HSD17B4: variants seen among roughly 807,000 people sequenced by gnomAD.
The protein encoded by HSD17B4 is hydroxysteroid 17-beta dehydrogenase 4, also known as peroxisomal multifunctional enzyme type 2.
HSD17B4 carries 70 observed loss-of-function variants against 101.0 expected under a neutral mutation model. That is an observed-to-expected ratio of 0.69 (90% CI 0.57 to 0.85). The LOEUF (loss-of-function observed/expected upper bound fraction) is 0.85. Among genes scored for constraint, HSD17B4 ranks in the 40% least tolerant of loss-of-function variants. The pLI is 0.00. For missense variants in HSD17B4, 984 were observed against 892.4 expected (o/e 1.10, Z -1.31); for synonymous variants, 347 against 297.1 (o/e 1.17, Z -1.73).
chr5:119,530,653 G>A (rs2126892442), intron 21 of HSD17B4, among the ~76,000 whole-genome samples: 1 of 151,466 alleles, frequency 6.6e-6, no homozygotes, highest in Non-Finnish European at 1.5e-5. Context: ...AGGAGTTCAA[G>A]ACCAGCCTGG....
intron 11 of HSD17B4, among the ~76,000 whole-genome samples, chr5:119,495,380 A>G (rs190210214): frequency 2.0e-5 from 3 of 152,332 alleles, no homozygotes; most frequent in African/African-American, 7.2e-5. Flanking sequence ...CAATTTTTAA[A>G]AAATGATCTT....
chr5:119,486,210 A>T (rs903000521), intron 8 of HSD17B4, among the ~76,000 whole-genome samples: 1 of 152,132 alleles, frequency 6.6e-6, no homozygotes, highest in Non-Finnish European at 1.5e-5. Context: ...TTTATAACTT[A>T]CTTCAGAAGA....
chr5:119,479,118 T>C (rs779629789), intron 8 of HSD17B4, 97 bp downstream of exon 8: 134 of 923,000 alleles, frequency 1.5e-4, no homozygotes, highest in Non-Finnish European at 2.1e-4. Context: ...ACTTAAAAAT[T>C]ATTATTTTTT....
intron 16 of HSD17B4, among the ~76,000 whole-genome samples, chr5:119,510,439 C>T (rs1051569594): frequency 5.9e-5 from 9 of 152,130 alleles, no homozygotes; most frequent in African/African-American, 1.9e-4. Context: ...TCTGGCTTTA[C>T]CTTTAAGTTA....
At chr5:119,477,265 A>G (rs1748671405) in intron 6 of HSD17B4, 152 bp from the exon 7 acceptor site, 1 of 611,420 alleles carries the variant, frequency 1.6e-6, no homozygotes, top group South Asian at 2.0e-5. Context: ...ACTGGAATAA[A>G]GGCAAAATAC....
Position 119,542,076 on chromosome 5 carries a change from A to G in HSD17B4, c.*82A>G. ...TATGCTTGATTATTCTGCAAAAGTG[A>G]TTAGAACTAAGATGCAGGGGAAATT... On this transcript the variant is annotated 3_prime_UTR_variant, in exon 24 of 24. Coordinates refer to ENST00000510025, the MANE Select transcript of HSD17B4 (RefSeq NM_000414.4). 2.2e-6 allele frequency: 2 copies of G among 923,536 alleles called. No individual in the cohort carries two copies. The highest frequency in any genetic ancestry group is 2.5e-5 in the East Asian group (1 of 40,478). The allele number at this position is 923,536 out of a possible 1,614,324, so 57.2% of individuals were successfully genotyped here.
At chr5:119,492,630 A>C (rs1295589029) in intron 10 of HSD17B4, 2 of 153,602 alleles carry the variant, frequency 1.3e-5, no homozygotes, top group African/African-American at 4.8e-5. Context: ...TGGGACAGAA[A>C]TTGCAGCTGA....
intron 2 of HSD17B4, among the ~76,000 whole-genome samples, chr5:119,462,813 A>C (rs1309321434): frequency 1.3e-5 from 2 of 152,178 alleles, no homozygotes; most frequent in Non-Finnish European, 2.9e-5. Flanking sequence ...AGTAATTAGC[A>C]TATCCATCGC....
intron 14 of HSD17B4, among the ~76,000 whole-genome samples, chr5:119,504,315 T>A (rs1160922786): frequency 6.6e-6 from 1 of 152,176 alleles, no homozygotes; most frequent in Admixed American, 6.6e-5. Flanking sequence ...GATTGCTGGG[T>A]CAAATGGTAG....
chr5:119,469,278 T>G (rs937672476), intron 2 of HSD17B4, among the ~76,000 whole-genome samples: 1 of 151,958 alleles, frequency 6.6e-6, no homozygotes, highest in African/African-American at 2.4e-5. Flanking sequence ...GGAGGTGTTG[T>G]GTTTCCCTGT....
At chr5:119,484,147 A>G (rs912921250) in intron 8 of HSD17B4, among the ~76,000 whole-genome samples, 16 of 152,178 alleles carry the variant, frequency 1.1e-4, no homozygotes, top group Non-Finnish European at 1.8e-4. Flanking sequence ...ATTCGAGGCT[A>G]CAGTGAGCTA....
intron 23 of HSD17B4, among the ~76,000 whole-genome samples, chr5:119,539,513 A>G (rs565176884): frequency 6.6e-6 from 1 of 152,146 alleles, no homozygotes; most frequent in Non-Finnish European, 1.5e-5. Context: ...CAGCACACCA[A>G]CATGGCACAT....
At chr5:119,521,958 T>C (rs1019606593) in intron 17 of HSD17B4, among the ~76,000 whole-genome samples, 1 of 151,850 alleles carries the variant, frequency 6.6e-6, no homozygotes, top group African/African-American at 2.4e-5. Flanking sequence ...TTATTATACT[T>C]TAAGTTCTAG....
chr5:119,531,334 G>T lies in HSD17B4; in HGVS notation c.1923G>T (p.Glu641Asp). Reference protein sequence around the residue: ...IGRRLKDIGPEVVKKVNAVFE... With the variant: ...IGRRLKDIGPDVVKKVNAVFE... The stretch of plus-strand genomic sequence containing the variant: ...GCCGCCTAAAGGATATTGGGCCTGA[G>T]GTGGTGAAGAAAGTAAATGCTGTAT... Residue 641 changes from glutamate to aspartate, a missense_variant, in exon 22 of 24, where the codon GAG becomes GAT. Coordinates refer to ENST00000510025, the MANE Select transcript of HSD17B4 (RefSeq NM_000414.4). The T allele has an allele frequency of 6.2e-7, 1 of 1,613,640 alleles. No homozygotes were observed. Among genetic ancestry groups the T allele is most frequent in the Non-Finnish European group, 8.5e-7 (1 of 1,179,662 alleles).
intron 6 of HSD17B4, among the ~76,000 whole-genome samples, chr5:119,476,204 C>A (rs115921484): frequency 0.021 from 3,148 of 152,174 alleles, 104 homozygotes; most frequent in African/African-American, 0.069. Flanking sequence ...ACGTGCTTAT[C>A]CAGCTGTGTG....
rs561860742 is a variant in HSD17B4 at position 119,454,748 on chromosome 5, A to T, written c.59-1567A>T. On this transcript the variant is annotated intron_variant, in intron 1 of 23. Transcript: ENST00000510025. Reference sequence around the variant, plus strand: ...ACAATTCTCCTACCTCAGCCTCCCAAGTAGCTGGGGGTACAGGTGCACACC... The same window carrying T: ...ACAATTCTCCTACCTCAGCCTCCCATGTAGCTGGGGGTACAGGTGCACACC... Among the ~76,000 whole-genome samples, 6 of 152,088 alleles carry T rather than the reference A, an allele frequency of 3.9e-5. No homozygotes were observed. The South Asian group carries it at 1.2e-3, about 32-fold the overall frequency.
Position 119,536,526 on chromosome 5 carries a change from C to T in HSD17B4, c.2097C>T (p.Val699=), listed in dbSNP as rs202134940. 1.7e-5 allele frequency: 28 copies of T among 1,611,934 alleles called. No individual in the cohort carries two copies. The highest frequency in any genetic ancestry group is 2.4e-5 in the Non-Finnish European group (28 of 1,178,312). The part of the protein sequence containing the change: ...ILSDEDFMEV[V]LGKLDPQKAF... ...CAGATGAAGATTTCATGGAGGTGGT[C>T]CTGGGCAAGCTTGACCCTCAGAAGG... Residue 699 remains valine (V), a synonymous_variant, in exon 23 of 24, where the codon GTC becomes GTT. Transcript: ENST00000510025.
intron 16 of HSD17B4, among the ~76,000 whole-genome samples, chr5:119,512,323 A>G (rs1388614548): frequency 1.3e-5 from 2 of 152,204 alleles, no homozygotes; most frequent in East Asian, 1.9e-4. Flanking sequence ...GATGAAAAAC[A>G]TTATACATCC....
At chr5:119,530,120 CA>C in intron 21 of HSD17B4, 140 bp downstream of exon 21, 1 of 688,814 alleles carries the variant, frequency 1.5e-6, no homozygotes, top group Non-Finnish European at 2.6e-6. Context: ...AACATTAATT[CA>C]AAACAGCTTG....
Sources: gnomAD v4.1 joint callset for allele counts (sites outside exome capture counted in the v4.1 genomes callset) on GRCh38, gnomAD v4.1.1 for gene constraint, MANE v1.5 for transcripts, NCBI Gene and HGNC (gene_info 2026-07-23, HGNC 2026-07-21) for gene names.